SERINC5: variants seen among roughly 807,000 people sequenced by gnomAD.
SERINC5 encodes chromosome 5 open reading frame 12.
Under a neutral mutation model 63.1 loss-of-function variants are expected in SERINC5, and 41 were observed. The observed-to-expected ratio is 0.65, with a 90% CI of 0.51 to 0.84. The LOEUF (loss-of-function observed/expected upper bound fraction) is 0.84, where lower values mean the gene tolerates loss of function less well. SERINC5 is among the 40% of genes least tolerant of loss of function. SERINC5 has a pLI of 0.00. For synonymous variants in SERINC5, 222 were observed against 215.2 expected, an observed-to-expected ratio of 1.03 and a Z score of -0.28; for missense variants, 523 against 573.0, an observed-to-expected ratio of 0.91 and a Z score of 0.89.
chr5:80,232,312 G>A (rs1230588223), intron 1 of SERINC5, among the ~76,000 whole-genome samples: 12 of 151,852 alleles, frequency 7.9e-5, no homozygotes, highest in African/African-American at 2.4e-4. Context: ...GCTGAGGCAG[G>A]AGAATGGCAA....
At chr5:80,135,206 G>T (rs909431885), downstream of SERINC5, among the ~76,000 whole-genome samples, 5 of 152,188 alleles carry the variant, frequency 3.3e-5, no homozygotes, top group South Asian at 4.1e-4. Context: ...CCTAATTTTT[G>T]TATTTTTTGT....
At chr5:80,178,385 G>A (rs1464995250) in intron 2 of SERINC5, among the ~76,000 whole-genome samples, 2 of 113,932 alleles carry the variant, frequency 1.8e-5, no homozygotes, top group African/African-American at 3.6e-5. Context: ...CCAAGACAAG[G>A]TCTCTCTGGC....
intron 10 of SERINC5, 135 bp downstream of exon 10, chr5:80,147,110 G>A: frequency 2.6e-6 from 2 of 766,684 alleles, no homozygotes; most frequent in South Asian, 3.4e-5. Context: ...AAGTGTATAA[G>A]TAGTAAGTCA....
In SERINC5 at chr5:80,239,203, C is replaced by G. The variant is rs1014980006; in HGVS notation, c.27+16693G>C. On this transcript the variant is annotated intron_variant, in intron 1 of 11. Coordinates refer to ENST00000507668, the MANE Select transcript of SERINC5 (RefSeq NM_001174072.3). ...CCCATAAGCCATCTGAGAATGGCAA[C>G]GCAGGACCCGGAGCAACGGGCATTA... Among the ~76,000 whole-genome samples the G allele has an allele frequency of 1.3e-5, 2 of 152,188 alleles. 1 individual carries two copies. Among genetic ancestry groups the G allele is most frequent in the Non-Finnish European group, 2.9e-5 (2 of 68,048 alleles).
chr5:80,128,030 A>C (rs1165339192), intron 11 of SERINC5, among the ~76,000 whole-genome samples: 4 of 152,234 alleles, frequency 2.6e-5, no homozygotes, highest in Non-Finnish European at 5.9e-5. Flanking sequence ...ACATCTTATA[A>C]ATTTTTACTA....
At chr5:80,161,461 T>A (rs1561381480) in intron 7 of SERINC5, among the ~76,000 whole-genome samples, 1 of 152,180 alleles carries the variant, frequency 6.6e-6, no homozygotes, top group Non-Finnish European at 1.5e-5. Flanking sequence ...ATGTTGAGCA[T>A]TTTTTTCAAA....
Position 80,142,123 on chromosome 5 carries a change from T to A in SERINC5, c.*1540A>T, listed in dbSNP as rs1188642469. 2.0e-6 allele frequency: 2 copies of A among 985,422 alleles called. No individual in the cohort carries two copies. The highest frequency in any genetic ancestry group is 1.2e-6 in the Non-Finnish European group (1 of 829,946). 61.0% of individuals were successfully genotyped at this position (985,422 alleles called of 1,614,324 possible). A position where few individuals can be genotyped will look rare whatever the true frequency, so the allele number is the denominator to read the frequency against. On this transcript the variant is annotated 3_prime_UTR_variant, in exon 12 of 12. Transcript: ENST00000507668. The stretch of plus-strand genomic sequence containing the variant: ...TCTTAGATCCTCACTTACAGAGAGC[T>A]CGAGAAGATTCTTTCCACCCCGAAT...
chr5:80,227,945 T>G (rs13155647), intron 1 of SERINC5, among the ~76,000 whole-genome samples: 90,743 of 151,250 alleles, frequency 0.6, 27,486 homozygotes, highest in African/African-American at 0.67. Flanking sequence ...ACACTTGGCC[T>G]GCATGGTGGC....
chr5:80,147,475 G>A (rs986751634), intron 9 of SERINC5, among the ~76,000 whole-genome samples, 191 bp from the exon 10 acceptor site: 10 of 152,186 alleles, frequency 6.6e-5, no homozygotes, highest in African/African-American at 1.2e-4. Context: ...ATCCTCATCC[G>A]TGGACTTGGT....
intron 1 of SERINC5, among the ~76,000 whole-genome samples, chr5:80,246,866 C>G (rs1752192566): frequency 1.3e-5 from 2 of 152,168 alleles, no homozygotes; most frequent in Admixed American, 1.3e-4. Flanking sequence ...AGCAGGGCAG[C>G]AAAGGTTTAC....
At chr5:80,132,578 C>T (rs1485990025) in intron 11 of SERINC5, among the ~76,000 whole-genome samples, 2 of 151,632 alleles carry the variant, frequency 1.3e-5, no homozygotes, top group Admixed American at 6.6e-5. Context: ...AACTCTTTAC[C>T]TATATGCATT....
chr5:80,137,159 AAAAAC>A (rs1276884373), downstream of SERINC5, among the ~76,000 whole-genome samples: 107 of 104,810 alleles, frequency 1.0e-3, 4 homozygotes, highest in African/African-American at 3.1e-3. Context: ...AAAAAAAAAA[AAAAAC>A]AAAAAAAACA....
intron 1 of SERINC5, among the ~76,000 whole-genome samples, chr5:80,228,054 T>C (rs2112556248): frequency 6.9e-6 from 1 of 145,938 alleles, no homozygotes; most frequent in Middle Eastern, 3.5e-3. Context: ...AAACCCCATC[T>C]CTACAAATAA....
chr5:80,172,423 CT>C lies in SERINC5; in HGVS notation c.551+2530del, dbSNP rs138758341. On this transcript the variant is annotated intron_variant, in intron 5 of 11. Transcript: ENST00000507668. ...AATTGAATGAATCATTGTCATCTGC[CT>C]TATGATTAAATTGCTCTTTGTAACC... Among the ~76,000 whole-genome samples the C allele has an allele frequency of 1.2e-4, 19 of 152,288 alleles. No homozygotes were observed. In the East Asian group the frequency reaches 3.7e-3, roughly 29 times the overall value.
intron 1 of SERINC5, among the ~76,000 whole-genome samples, chr5:80,246,299 C>A (rs1196333725): frequency 2.6e-5 from 4 of 151,870 alleles, no homozygotes; most frequent in Admixed American, 2.0e-4. Context: ...CAAAACAAAA[C>A]AAAAAAATGG....
chr5:80,252,450 A>C (rs1488010193), intron 1 of SERINC5, among the ~76,000 whole-genome samples: 2 of 152,140 alleles, frequency 1.3e-5, no homozygotes. Context: ...CCCTGTGTTC[A>C]TTACCGTGTC....
Position 80,139,667 on chromosome 5 carries a change from C to T in SERINC5, c.*3996G>A, listed in dbSNP as rs1188346074. On this transcript the variant is annotated 3_prime_UTR_variant, in exon 12 of 12. Transcript: ENST00000507668. The stretch of plus-strand genomic sequence containing the variant: ...CAGTACTGTGAAGTCAAAGGCCCAA[C>T]ATTACAGAGCGCACCTCTGCCTGAA... 2.0e-6 allele frequency: 2 copies of T among 985,182 alleles called. No homozygotes were observed. Among genetic ancestry groups the T allele is most frequent in the East Asian group, 1.1e-4 (1 of 8,822 alleles). 61.0% of individuals were successfully genotyped at this position (985,182 alleles called of 1,614,324 possible).
At chr5:80,117,101 G>A (rs935114289) in intron 11 of SERINC5, among the ~76,000 whole-genome samples, 1 of 152,090 alleles carries the variant, frequency 6.6e-6, no homozygotes, top group Admixed American at 6.6e-5. Context: ...AAAGTGCTGG[G>A]ATTACAGGTG....
At chr5:80,159,948 C>T (rs1002199273) in intron 7 of SERINC5, among the ~76,000 whole-genome samples, 2 of 152,130 alleles carry the variant, frequency 1.3e-5, no homozygotes, top group Non-Finnish European at 2.9e-5. Context: ...TTAAAATATC[C>T]TTTGTAATAA....
Sources: allele counts gnomAD v4.1 joint callset (sites outside exome capture counted in the v4.1 genomes callset), GRCh38; gene constraint gnomAD v4.1.1; transcripts MANE v1.5; gene names NCBI Gene and HGNC (gene_info 2026-07-23, HGNC 2026-07-21).